The following TPRX1 variants were observed in gnomAD, a reference collection of about 807,000 sequenced individuals.
TPRX1 encodes tetrapeptide repeat homeobox 1.
A neutral mutation model predicts 8.1 loss-of-function variants in TPRX1; 2 were observed. That is an observed-to-expected ratio of 0.25 (90% CI 0.10 to 0.78). TPRX1 has a LOEUF of 0.78. Ranked by LOEUF, TPRX1 falls within the 30% of genes least tolerant of loss-of-function variation. TPRX1 has a pLI of 0.70. For missense variants in TPRX1, 517 were observed against 586.9 expected (o/e 0.88, Z 1.23); for synonymous variants, 257 against 254.1 (o/e 1.01, Z -0.11).
At position 47,802,529 on chromosome 19, in the gene TPRX1, G is replaced by A. The variant is rs202132729; in HGVS notation, c.773C>T (p.Ala258Val). ...GCCTGAGATTGGGCCTGGGATCGGGGCTGGGCCTGAAATTGGGCCTGGGAT... is the reference window on the plus strand; with the variant it reads ...GCCTGAGATTGGGCCTGGGATCGGGACTGGGCCTGAAATTGGGCCTGGGAT... The change falls in exon 4 of 4, where the codon GCC (alanine) becomes GTC (valine). Residue 258 changes from alanine (A) to valine (V), a missense_variant. By Grantham distance (64) the Ala-to-Val change is moderately conservative. This residue lies in a region of TPRX1 where 506 missense variants were observed against 515.5 expected (regional missense o/e 0.98). Transcript: ENST00000535759. 88 of 1,531,686 alleles carry A rather than the reference G, an allele frequency of 5.7e-5. No homozygotes were observed. The African/African-American group carries it at 1.0e-3, about 18-fold the overall frequency. 94.9% of individuals were successfully genotyped at this position (1,531,686 alleles called of 1,614,324 possible). A position where few individuals can be genotyped will look rare whatever the true frequency, so the allele number is the denominator to read the frequency against.
chr19:47,802,701 G>T, exon 4 of TPRX1: 1 of 1,583,650 alleles, frequency 6.3e-7, no homozygotes, highest in Non-Finnish European at 8.6e-7. Context: ...GCTGGGCCTG[G>T]GATTGGGGCA....
chr19:47,818,367 T>TCCATCAGC, intron 2 of TPRX1: 1 of 301,468 alleles, frequency 3.3e-6, no homozygotes, highest in Non-Finnish European at 6.3e-6. Context: ...CATCCATCCA[T>TCCATCAGC]CATCCATCAC....
exon 4 of TPRX1, chr19:47,801,968 T>C (rs758565966): frequency 6.2e-7 from 1 of 1,614,054 alleles, no homozygotes; most frequent in South Asian, 1.1e-5. Flanking sequence ...AGGGAATAAC[T>C]GGGTGTCTGG....
At chr19:47,810,344 ATTTTTT>A (rs762098389) in intron 2 of TPRX1, among the ~76,000 whole-genome samples, 1 of 93,346 alleles carries the variant, frequency 1.1e-5, no homozygotes, top group African/African-American at 3.8e-5. Flanking sequence ...TTATCCATCA[ATTTTTT>A]TTTTTTTTTT....
At chr19:47,816,582 G>A (rs1334678991) in intron 2 of TPRX1, among the ~76,000 whole-genome samples, 1 of 147,816 alleles carries the variant, frequency 6.8e-6, no homozygotes, top group Non-Finnish European at 1.5e-5. Flanking sequence ...GCCCAGGCTG[G>A]AGTGCGGTGG....
intron 2 of TPRX1, among the ~76,000 whole-genome samples, chr19:47,810,163 G>C (rs949262190): frequency 1.4e-5 from 2 of 141,598 alleles, no homozygotes; most frequent in East Asian, 4.4e-4. Flanking sequence ...GCTGAGTTAG[G>C]AGAATCACTT....
exon 2 of TPRX1, chr19:47,818,490 T>C (rs1251760394): frequency 2.2e-6 from 1 of 456,078 alleles, no homozygotes; most frequent in Non-Finnish European, 4.4e-6. Flanking sequence ...GGGACAGTCC[T>C]AGGTACTGGG....
rs1026826727 is a variant in TPRX1 at position 47,817,236 on chromosome 19, C to A, written c.151+1232G>T. ...TGCCCACAGGTCCCAGCTTCTCACA[C>A]ACTGCATGAACCACAGACCTTGGGA... On this transcript the variant is annotated intron_variant, in intron 2 of 3. Transcript: ENST00000535759. 3.9e-5 allele frequency among the ~76,000 whole-genome samples: 6 copies of A among 152,356 alleles called. No individual in the cohort carries two copies. In the South Asian group the frequency reaches 1.2e-3, roughly 32 times the overall value.
intron 2 of TPRX1, among the ~76,000 whole-genome samples, chr19:47,817,288 A>G (rs1468667629): frequency 6.6e-6 from 1 of 152,196 alleles, no homozygotes; most frequent in African/African-American, 2.4e-5. Context: ...CAATAACTCC[A>G]TGGAAACTTC....
At chr19:47,806,364 C>CA (rs1286777021) in intron 2 of TPRX1, among the ~76,000 whole-genome samples, 1 of 151,824 alleles carries the variant, frequency 6.6e-6, no homozygotes, top group Non-Finnish European at 1.5e-5. Flanking sequence ...ACTAAAAATA[C>CA]AAAAAATTAG....
At chr19:47,809,983 A>G (rs1433884050) in intron 2 of TPRX1, among the ~76,000 whole-genome samples, 1 of 151,932 alleles carries the variant, frequency 6.6e-6, no homozygotes, top group Non-Finnish European at 1.5e-5. Context: ...GGCCAGACGC[A>G]ATGACTCACA....
At chr19:47,816,184 T>C (rs2123721407) in intron 2 of TPRX1, among the ~76,000 whole-genome samples, 1 of 152,010 alleles carries the variant, frequency 6.6e-6, no homozygotes, top group Non-Finnish European at 1.5e-5. Context: ...TTCTCATGCC[T>C]CAGCCTCCTG....
At position 47,802,718 on chromosome 19, in the gene TPRX1, G is replaced by A. The variant is rs535076712; in HGVS notation, c.584C>T (p.Pro195Leu). The change falls in exon 4 of 4, where the codon CCG (proline) becomes CTG (leucine). Residue 195 changes from proline to leucine, a missense_variant. This residue lies in a region of TPRX1 where 506 missense variants were observed against 515.5 expected (regional missense o/e 0.98). Transcript: ENST00000535759. ...TGGGCCTGGGATTGGGGCAGGGATC[G>A]GGCCAGGGCCTGGACTCAGGGCAGC... is the stretch of plus-strand genomic sequence containing the variant. 4.5e-5 allele frequency: 71 copies of A among 1,592,728 alleles called. No homozygotes were observed. The highest frequency in any genetic ancestry group is 6.0e-5 in the Non-Finnish European group (70 of 1,170,140).
intron 2 of TPRX1, among the ~76,000 whole-genome samples, chr19:47,813,525 G>A (rs545447399): frequency 1.3e-5 from 2 of 152,266 alleles, no homozygotes; most frequent in South Asian, 4.1e-4. Flanking sequence ...AGTCAAGCTG[G>A]GAAGACACTT....
At position 47,812,804 on chromosome 19, in the gene TPRX1, C is replaced by G. The variant is rs139951421; in HGVS notation, c.151+5664G>C. 6.0e-3 allele frequency among the ~76,000 whole-genome samples: 915 copies of G among 151,268 alleles called. 8 individuals carry two copies. The highest frequency in any genetic ancestry group is 0.017 in the African/African-American group (721 of 41,260). Reference sequence around the variant, plus strand: ...TCCATCTCAAAAAAACCCCCCAAAACCAAAAACTAAACAAAAAAAGCCTGG... The same window carrying G: ...TCCATCTCAAAAAAACCCCCCAAAAGCAAAAACTAAACAAAAAAAGCCTGG... On this transcript the variant is annotated intron_variant, in intron 2 of 3. Coordinates refer to ENST00000535759, the Ensembl canonical transcript of TPRX1.
In TPRX1 at chr19:47,802,357, T is replaced by C. The variant is rs1160757686; in HGVS notation, c.945A>G (p.Pro315=). 9.9e-5 allele frequency: 126 copies of C among 1,268,718 alleles called. 2 individuals carry two copies. Among genetic ancestry groups the C allele is most frequent in the African/African-American group, 8.0e-4 (49 of 61,410 alleles). 78.6% of individuals were successfully genotyped at this position (1,268,718 alleles called of 1,614,324 possible). The change falls in exon 4 of 4, where the codon CCA becomes CCG. Residue 315 remains proline (P), a synonymous_variant. Transcript: ENST00000535759. Reference sequence around the variant, plus strand: ...TTGGGCCTGGGATCGGGCCTGGGTTTGGGCCTGAGATTGGGCCTGAGATTG... The same window carrying C: ...TTGGGCCTGGGATCGGGCCTGGGTTCGGGCCTGAGATTGGGCCTGAGATTG...
At chr19:47,815,131 T>TGCAAATATATATATATGCAA (rs1303572264) in intron 2 of TPRX1, among the ~76,000 whole-genome samples, 1 of 111,474 alleles carries the variant, frequency 9.0e-6, no homozygotes, top group African/African-American at 3.7e-5. Context: ...TATATATATA[T>TGCAAATATATATATATGCAA]ATATATATAT....
At position 47,818,365 on chromosome 19, in the gene TPRX1, CAT is replaced by C. The variant is rs1491007877; in HGVS notation, c.151+101_151+102del. On this transcript the variant is annotated intron_variant, in intron 2 of 3. Coordinates refer to ENST00000535759, the Ensembl canonical transcript of TPRX1. ...TCATCCATCCATCCATCCATCCATC[CAT>C]CATCCATCACCCATCCATCCCTCCA... The C allele has an allele frequency of 7.4e-5, 19 of 255,964 alleles. 2 individuals are homozygous for C. Among genetic ancestry groups the C allele is most frequent in the African/African-American group, 3.9e-4 (9 of 22,850 alleles). The allele number at this position is 255,964 out of a possible 1,614,324, so 15.9% of individuals were successfully genotyped here.
chr19:47,818,519 ACAGACAGGGCCC>A (rs1307372625), exon 2 of TPRX1: 3 of 455,970 alleles, frequency 6.6e-6, no homozygotes, highest in Non-Finnish European at 1.3e-5. Flanking sequence ...TGAGAACAAG[ACAGACAGGGCCC>A]CATCCTCCTG....
Sources: allele counts gnomAD v4.1 joint callset (sites outside exome capture counted in the v4.1 genomes callset), GRCh38; gene constraint gnomAD v4.1.1; regional missense constraint gnomAD v4.1.1; transcripts MANE v1.5; gene names NCBI Gene and HGNC (gene_info 2026-07-23, HGNC 2026-07-21).